The following SPMIP2 variants were observed in gnomAD, a reference collection of about 807,000 sequenced individuals.
SPMIP2 encodes protein SPMIP2.
At chr4:158,960,441 G>T in the SPMIP2 span, 2 of 655,580 alleles carry the variant, frequency 3.1e-6, no homozygotes, top group East Asian at 2.9e-5. Context: ...AGTCAGGTTG[G>T]GAAATGAAAT....
chr4:158,989,532 T>TA, the SPMIP2 span, among the ~76,000 whole-genome samples: 1 of 151,820 alleles, frequency 6.6e-6, no homozygotes, highest in African/African-American at 2.4e-5. Flanking sequence ...CCAAAACAGA[T>TA]ATATAGACCG....
the SPMIP2 span, among the ~76,000 whole-genome samples, chr4:158,931,630 C>G: frequency 3.3e-5 from 5 of 152,070 alleles, no homozygotes; most frequent in Admixed American, 3.3e-4. Context: ...AGCTGTGGTA[C>G]AATCTCACCA....
chr4:158,967,291 C>T, the SPMIP2 span, among the ~76,000 whole-genome samples: 1 of 152,058 alleles, frequency 6.6e-6, no homozygotes, highest in East Asian at 1.9e-4. Flanking sequence ...GTGATTTGGT[C>T]TCCCTAGACA....
At chr4:159,064,958 G>A in the SPMIP2 span, among the ~76,000 whole-genome samples, 1 of 152,082 alleles carries the variant, frequency 6.6e-6, no homozygotes, top group East Asian at 1.9e-4. Flanking sequence ...TTTCTATTTG[G>A]TTCCATAGCT....
At chr4:159,053,918 C>CA in the SPMIP2 span, among the ~76,000 whole-genome samples, 6,201 of 139,640 alleles carry the variant, frequency 0.044, 124 homozygotes, top group African/African-American at 0.065. Flanking sequence ...AAACTTGTCT[C>CA]AAAAAAAAAA....
chr4:158,954,256 C>T, the SPMIP2 span, among the ~76,000 whole-genome samples: 3 of 152,092 alleles, frequency 2.0e-5, no homozygotes, highest in Admixed American at 6.6e-5. Flanking sequence ...ATACTGTTCT[C>T]GTGGTAGTGA....
At chr4:158,921,884 CTTTTT>C in the SPMIP2 span, among the ~76,000 whole-genome samples, 4 of 91,324 alleles carry the variant, frequency 4.4e-5, no homozygotes, top group East Asian at 6.5e-4. Flanking sequence ...CTTCTACATA[CTTTTT>C]TTTTTTTTTT....
At chr4:158,932,545 C>T in the SPMIP2 span, among the ~76,000 whole-genome samples, 1 of 152,114 alleles carries the variant, frequency 6.6e-6, no homozygotes, top group Admixed American at 6.5e-5. Flanking sequence ...TTTCAGTTTC[C>T]TTGGAGATAG....
At chr4:158,911,375 TAAATAAATA>T in the SPMIP2 span, among the ~76,000 whole-genome samples, 129 of 147,202 alleles carry the variant, frequency 8.8e-4, 1 homozygote, top group African/African-American at 3.0e-3. Context: ...AATAAATAAA[TAAATAAATA>T]AAATAAATAA....
At chr4:159,037,056 A>T in the SPMIP2 span, among the ~76,000 whole-genome samples, 1 of 152,324 alleles carries the variant, frequency 6.6e-6, no homozygotes, top group South Asian at 2.1e-4. Context: ...GAAGAAAGTA[A>T]TTCTTTAGTA....
chr4:159,042,580 A>G, the SPMIP2 span, among the ~76,000 whole-genome samples: 1 of 152,222 alleles, frequency 6.6e-6, no homozygotes, highest in African/African-American at 2.4e-5. Flanking sequence ...CCCACAAAAC[A>G]ACACAATTTT....
At chr4:158,927,192 T>A in the SPMIP2 span, among the ~76,000 whole-genome samples, 6 of 152,170 alleles carry the variant, frequency 3.9e-5, no homozygotes, top group Admixed American at 3.9e-4. Flanking sequence ...AAATGCCCTC[T>A]TTTTTAAAAA....
chr4:158,967,317 CA>C, the SPMIP2 span, among the ~76,000 whole-genome samples: 1 of 152,156 alleles, frequency 6.6e-6, no homozygotes, highest in Non-Finnish European at 1.5e-5. Flanking sequence ...TCTCCCGCCT[CA>C]CAGATGGTCA....
At chr4:158,979,803 T>TTTTTA in the SPMIP2 span, among the ~76,000 whole-genome samples, 20 of 147,644 alleles carry the variant, frequency 1.4e-4, no homozygotes, top group African/African-American at 5.0e-4. Flanking sequence ...TTTTTTTTTT[T>TTTTTA]TTTTTTTTTT....
At chr4:159,007,351 G>A in the SPMIP2 span, 1 of 697,846 alleles carries the variant, frequency 1.4e-6, no homozygotes. Context: ...ATGATGAGAT[G>A]GAAACAGATA....
chr4:158,995,000 G>T, the SPMIP2 span, among the ~76,000 whole-genome samples: 1 of 152,310 alleles, frequency 6.6e-6, no homozygotes, highest in South Asian at 2.1e-4. Flanking sequence ...TCAAATTTCT[G>T]AATGAGCCAA....
At chr4:159,050,579 G>A in the SPMIP2 span, among the ~76,000 whole-genome samples, 91 of 152,166 alleles carry the variant, frequency 6.0e-4, no homozygotes, top group Admixed American at 1.5e-3. Flanking sequence ...GAAGCAGGAG[G>A]ATTGCTTGAA....
the SPMIP2 span, among the ~76,000 whole-genome samples, chr4:158,898,399 A>T: frequency 6.6e-6 from 1 of 152,256 alleles, no homozygotes; most frequent in South Asian, 2.1e-4. Flanking sequence ...CTTGATGGGG[A>T]TAGCATTGCA....
the SPMIP2 span, among the ~76,000 whole-genome samples, chr4:158,985,584 T>C: frequency 6.6e-6 from 1 of 152,114 alleles, no homozygotes; most frequent in African/African-American, 2.4e-5. Flanking sequence ...AATTCAACAA[T>C]GCTTCATGCT....
Sources: gnomAD v4.1 joint callset for allele counts (sites outside exome capture counted in the v4.1 genomes callset) on GRCh38, gnomAD v4.1.1 for gene constraint, MANE v1.5 for transcripts, NCBI Gene and HGNC (gene_info 2026-07-23, HGNC 2026-07-21) for gene names.